Variants in EVA1C observed in about 807,000 individuals in gnomAD.
EVA1C encodes eva-1 homolog C, also known as protein eva-1 homolog C.
A neutral mutation model predicts 45.4 loss-of-function variants in EVA1C; 25 were observed. The ratio of observed to expected loss-of-function variants is 0.55; its 90% CI spans 0.40 to 0.77. The LOEUF is 0.77. EVA1C is among the 30% of genes least tolerant of loss of function. The pLI is 0.00. For synonymous variants in EVA1C, 190 were observed against 221.2 expected, an observed-to-expected ratio of 0.86 and a Z score of 1.25; for missense variants, 479 against 554.8, an observed-to-expected ratio of 0.86 and a Z score of 1.37.
upstream of EVA1C, chr21:32,411,940 T>G (rs1209711874): frequency 6.6e-6 from 1 of 152,296 alleles, no homozygotes; most frequent in African/African-American, 2.4e-5. Context: ...GTCTAGAGGT[T>G]CAGAAAGATG....
chr21:32,461,366 AT>A (rs914623654), intron 3 of EVA1C, among the ~76,000 whole-genome samples: 1 of 152,214 alleles, frequency 6.6e-6, no homozygotes, highest in Non-Finnish European at 1.5e-5. Context: ...TGGCTGCCCC[AT>A]AGAGAGCAGA....
intron 4 of EVA1C, among the ~76,000 whole-genome samples, chr21:32,485,659 TGTTTGA>T (rs1157896212): frequency 6.6e-6 from 1 of 152,178 alleles, no homozygotes. Context: ...CTTGCCAAAT[TGTTTGA>T]GTTCCTGATT....
At chr21:32,513,601 G>A (rs764930618) in intron 7 of EVA1C, among the ~76,000 whole-genome samples, 11 of 117,820 alleles carry the variant, frequency 9.3e-5, no homozygotes, top group Non-Finnish European at 1.3e-4. Context: ...TACCTAGGTT[G>A]GAGTATGGTG....
At chr21:32,419,591 TG>T (rs1416148637) in intron 1 of EVA1C, among the ~76,000 whole-genome samples, 1 of 152,200 alleles carries the variant, frequency 6.6e-6, no homozygotes, top group African/African-American at 2.4e-5. Flanking sequence ...GGCATGCTCC[TG>T]TAATCCCAGC....
intron 6 of EVA1C, among the ~76,000 whole-genome samples, chr21:32,503,152 G>A (rs114852023): frequency 6.6e-6 from 1 of 152,202 alleles, no homozygotes; most frequent in African/African-American, 2.4e-5. Flanking sequence ...CCCACATTTT[G>A]CTGTTGTTTC....
At position 32,495,033 on chromosome 21, in the gene EVA1C, T is replaced by A. The variant is rs2037297469; in HGVS notation, c.641T>A (p.Leu214Ter). The change falls in exon 5 of 8, where the codon TTG (leucine) becomes TAG (stop). Residue 214 changes from leucine to a stop codon, truncating the protein, a stop_gained. Transcript: ENST00000300255. LOFTEE classifies it high-confidence loss of function. ...GGTGTTTCCTGCCTTTCAGATTGCT[T>A]GTCTTACTCAGCTTTGCAAGTCCTA... ...KAERLPPFDC[L>*]SYSALQVLSR... The A allele has an allele frequency of 1.9e-6, 3 of 1,613,864 alleles. No individual in the cohort carries two copies. Among genetic ancestry groups the A allele is most frequent in the Non-Finnish European group, 2.5e-6 (3 of 1,179,908 alleles).
intron 4 of EVA1C, among the ~76,000 whole-genome samples, chr21:32,484,710 G>T (rs1225606566): frequency 6.6e-6 from 1 of 151,950 alleles, no homozygotes; most frequent in Non-Finnish European, 1.5e-5. Flanking sequence ...CAGATGTGTT[G>T]GTCTGTGATT....
At chr21:32,481,395 CAG>C (rs937522893) in intron 4 of EVA1C, among the ~76,000 whole-genome samples, 10 of 137,868 alleles carry the variant, frequency 7.3e-5, no homozygotes, top group African/African-American at 2.6e-4. Flanking sequence ...AGAGAAGAAA[CAG>C]AACCTTTTTT....
chr21:32,438,078 G>C (rs2035031293), intron 1 of EVA1C, among the ~76,000 whole-genome samples: 1 of 152,166 alleles, frequency 6.6e-6, no homozygotes, highest in African/African-American at 2.4e-5. Flanking sequence ...CACCCTGCTT[G>C]ATCTCCAAAC....
Position 32,495,030 on chromosome 21 carries a change from G to T in EVA1C, c.638G>T (p.Cys213Phe). Residue 213 changes from cysteine to phenylalanine, a missense_variant, in exon 5 of 8, where the codon TGC (cysteine) becomes TTC (phenylalanine). Physicochemically the swap from Cys to Phe is radical, Grantham distance 205. Around this residue, in one of 3 missense-constraint regions of EVA1C, gnomAD observed 366 missense variants for 426.1 expected, o/e 0.86. Transcript: ENST00000300255. Reference sequence around the variant, plus strand: ...CTGGGTGTTTCCTGCCTTTCAGATTGCTTGTCTTACTCAGCTTTGCAAGTC... The same window carrying T: ...CTGGGTGTTTCCTGCCTTTCAGATTTCTTGTCTTACTCAGCTTTGCAAGTC... ...SKAERLPPFD[C>F]LSYSALQVLS... is the part of the protein sequence containing the mutation. 11 of 1,613,576 alleles carry T rather than the reference G, an allele frequency of 6.8e-6. No homozygotes were observed. Among genetic ancestry groups the T allele is most frequent in the Non-Finnish European group, 9.3e-6 (11 of 1,179,840 alleles).
intron 1 of EVA1C, among the ~76,000 whole-genome samples, chr21:32,431,393 C>T (rs1267466191): frequency 6.6e-6 from 1 of 152,214 alleles, no homozygotes; most frequent in Non-Finnish European, 1.5e-5. Flanking sequence ...CAGCCTAGAA[C>T]TTTCCTGTCA....
intron 3 of EVA1C, among the ~76,000 whole-genome samples, chr21:32,462,640 G>C (rs1006442662): frequency 6.6e-6 from 1 of 152,208 alleles, no homozygotes; most frequent in South Asian, 2.1e-4. Context: ...TGATGGCCAT[G>C]ATGCCCATGC....
In EVA1C at chr21:32,412,967, T is replaced by A; in HGVS notation, c.114T>A (p.Thr38=). The change falls in exon 1 of 8, where the codon ACT becomes ACA. Residue 38 remains threonine (T), a synonymous_variant. Coordinates refer to ENST00000300255, the MANE Select transcript of EVA1C (RefSeq NM_058187.5). ...AGCTCCTGCGCCTCTTCTACTGCACTGTCCTGGTCTGCTCCAAAGAGATCT... is the reference window on the plus strand; with the variant it reads ...AGCTCCTGCGCCTCTTCTACTGCACAGTCCTGGTCTGCTCCAAAGAGATCT... ...PGQLLRLFYC[T]VLVCSKEISA... is the part of the protein sequence containing the mutation. The A allele has an allele frequency of 6.5e-7, 1 of 1,527,154 alleles. No individual in the cohort carries two copies. Among genetic ancestry groups the A allele is most frequent in the Non-Finnish European group, 8.8e-7 (1 of 1,136,206 alleles). 94.6% of individuals were successfully genotyped at this position (1,527,154 alleles called of 1,614,324 possible).
chr21:32,419,915 A>T (rs1373326868), intron 1 of EVA1C, among the ~76,000 whole-genome samples: 1 of 152,156 alleles, frequency 6.6e-6, no homozygotes, highest in Non-Finnish European at 1.5e-5. Flanking sequence ...TAATAACATA[A>T]ATCCTAAATC....
intron 3 of EVA1C, among the ~76,000 whole-genome samples, chr21:32,459,183 C>T (rs1234765224): frequency 6.6e-6 from 1 of 151,962 alleles, no homozygotes; most frequent in African/African-American, 2.4e-5. Flanking sequence ...ATTATACACA[C>T]TCAAACACAT....
chr21:32,460,810 A>G (rs1299884101), intron 3 of EVA1C, among the ~76,000 whole-genome samples: 1 of 151,194 alleles, frequency 6.6e-6, no homozygotes, highest in African/African-American at 2.4e-5. Flanking sequence ...TAGTGGCTCA[A>G]TCTTGGCTCA....
At chr21:32,439,222 A>G (rs1256195046) in intron 1 of EVA1C, among the ~76,000 whole-genome samples, 3 of 126,380 alleles carry the variant, frequency 2.4e-5, no homozygotes, top group African/African-American at 7.0e-5. Flanking sequence ...CCTGGGCAAC[A>G]GAGCAAGACT....
intron 4 of EVA1C, among the ~76,000 whole-genome samples, chr21:32,486,420 C>T (rs935422557): frequency 2.0e-5 from 3 of 152,256 alleles, no homozygotes; most frequent in Admixed American, 6.5e-5. Flanking sequence ...CCACCGCACC[C>T]GGCCCTTACT....
intron 7 of EVA1C, among the ~76,000 whole-genome samples, chr21:32,513,551 CTTTTT>C (rs1165725714): frequency 1.9e-5 from 2 of 106,774 alleles, no homozygotes; most frequent in Non-Finnish European, 3.5e-5. Flanking sequence ...TTTTTCTTTT[CTTTTT>C]TTTTTTTTTT....
Sources: gnomAD v4.1 joint callset for allele counts (sites outside exome capture counted in the v4.1 genomes callset) on GRCh38, gnomAD v4.1.1 for gene constraint, gnomAD v4.1.1 regional missense constraint, MANE v1.5 for transcripts, NCBI Gene and HGNC (gene_info 2026-07-23, HGNC 2026-07-21) for gene names.